MAF: variants seen among roughly 807,000 people sequenced by gnomAD.
MAF encodes the protein transcription factor Maf.
In MAF, 10 loss-of-function variants were observed where a neutral mutation model predicts 22.0. That is an observed-to-expected ratio of 0.45 (90% CI 0.28 to 0.77). The LOEUF (loss-of-function observed/expected upper bound fraction) is 0.77. Ranked by LOEUF, MAF falls within the 30% of genes least tolerant of loss-of-function variation. The probability of loss-of-function intolerance (pLI) is 0.12; values close to 1 mark genes in which losing one functional copy is unlikely to be tolerated. For missense variants in MAF, 544 were observed against 548.4 expected (o/e 0.99, Z 0.08); for synonymous variants, 337 against 255.8 (o/e 1.32, Z -3.03).
chr16:79,216,553 G>T, the MAF span, among the ~76,000 whole-genome samples: 1 of 152,052 alleles, frequency 6.6e-6, no homozygotes, highest in East Asian at 1.9e-4. Flanking sequence ...AATAAATCAG[G>T]CTAAGTGTTA....
At chr16:79,350,734 G>C in the MAF span, among the ~76,000 whole-genome samples, 2 of 152,192 alleles carry the variant, frequency 1.3e-5, no homozygotes, top group Non-Finnish European at 2.9e-5. Context: ...GGACCCTGCA[G>C]GGACCTGCCC....
the MAF span, among the ~76,000 whole-genome samples, chr16:79,321,652 T>A: frequency 1.5e-5 from 2 of 137,316 alleles, no homozygotes; most frequent in Non-Finnish European, 3.1e-5. Context: ...TTTCTTTTTT[T>A]TTTTTTTTTT....
the MAF span, among the ~76,000 whole-genome samples, chr16:79,549,712 A>C: frequency 2.6e-5 from 4 of 152,166 alleles, no homozygotes; most frequent in African/African-American, 4.8e-5. Context: ...GCAGCATCTA[A>C]AAAAGCGCCC....
Position 79,599,664 on chromosome 16 carries a change from G to T in MAF, c.239C>A (p.Ser80Ter). Residue 80 changes from serine to a stop codon, truncating the protein, a stop_gained, in exon 1 of 2, where the codon TCG (serine) becomes TAG (stop). Transcript: ENST00000326043. LOFTEE classifies it high-confidence loss of function. ...SPSFSAPSPG[S>*]GSEQKAHLED... is the part of the protein sequence containing the mutation. ...CAGGTGCGCCTTCTGCTCGCTGCCC[G>T]AGCCCGGGCTGGGCGCCGAGAAGCT... 6.2e-7 allele frequency: 1 copy of T among 1,612,218 alleles called. No individual in the cohort carries two copies. The highest frequency in any genetic ancestry group is 8.5e-7 in the Non-Finnish European group (1 of 1,179,632).
the MAF span, among the ~76,000 whole-genome samples, chr16:79,409,037 TGGG>T: frequency 3.0e-5 from 1 of 33,414 alleles, no homozygotes; most frequent in Non-Finnish European, 6.4e-5. Context: ...GGTGGGTGGG[TGGG>T]GGAGTCACCT....
chr16:79,318,945 C>T, the MAF span, among the ~76,000 whole-genome samples: 313 of 152,260 alleles, frequency 2.1e-3, no homozygotes, highest in Non-Finnish European at 3.3e-3. Flanking sequence ...CTCAAACCTC[C>T]ATGAAACTCA....
the MAF span, among the ~76,000 whole-genome samples, chr16:79,479,615 T>G: frequency 6.6e-6 from 1 of 152,178 alleles, no homozygotes; most frequent in Non-Finnish European, 1.5e-5. Context: ...AACTTGCCTG[T>G]ATCTGAAGGG....
the MAF span, among the ~76,000 whole-genome samples, chr16:79,423,874 G>A: frequency 6.6e-6 from 1 of 152,138 alleles, no homozygotes; most frequent in Non-Finnish European, 1.5e-5. Flanking sequence ...TTCTTAGATA[G>A]ATGCTTGAAA....
chr16:79,541,580 C>T, the MAF span, among the ~76,000 whole-genome samples: 27 of 151,786 alleles, frequency 1.8e-4, no homozygotes, highest in African/African-American at 6.5e-4. Context: ...CAAGTTCATA[C>T]AGCTGGTGAA....
chr16:79,337,301 G>A, the MAF span, among the ~76,000 whole-genome samples: 1 of 152,174 alleles, frequency 6.6e-6, no homozygotes, highest in Admixed American at 6.5e-5. Flanking sequence ...GTCAGGCATG[G>A]TGGCTCACAC....
chr16:79,565,514 G>C, the MAF span, among the ~76,000 whole-genome samples: 14 of 152,180 alleles, frequency 9.2e-5, no homozygotes, highest in Middle Eastern at 3.4e-3. Flanking sequence ...TGTGGGGGGG[G>C]GGACCAGTTG....
At chr16:79,520,723 G>C in the MAF span, among the ~76,000 whole-genome samples, 7 of 152,120 alleles carry the variant, frequency 4.6e-5, no homozygotes, top group African/African-American at 1.7e-4. Context: ...GGGTGGTCTT[G>C]GGCCACATTA....
the MAF span, among the ~76,000 whole-genome samples, chr16:79,509,572 A>C: frequency 1.3e-5 from 2 of 152,176 alleles, no homozygotes; most frequent in Non-Finnish European, 2.9e-5. Context: ...CCGCCTTCCC[A>C]TTCCTGGCTG....
chr16:79,305,900 C>T, the MAF span, among the ~76,000 whole-genome samples: 26,045 of 152,148 alleles, frequency 0.17, 2,602 homozygotes, highest in African/African-American at 0.27. Flanking sequence ...TTTGGGACCA[C>T]AGCATGCTTT....
the MAF span, among the ~76,000 whole-genome samples, chr16:79,464,726 G>A: frequency 1.4e-3 from 206 of 152,298 alleles, no homozygotes; most frequent in African/African-American, 4.7e-3. Context: ...GGGGACTGCT[G>A]TTCAAGGTTT....
At chr16:79,439,039 A>T in the MAF span, among the ~76,000 whole-genome samples, 2 of 152,060 alleles carry the variant, frequency 1.3e-5, no homozygotes, top group African/African-American at 4.8e-5. Flanking sequence ...TATCTTAAAG[A>T]TATTGTCGTG....
At chr16:79,523,706 T>C in the MAF span, among the ~76,000 whole-genome samples, 1 of 152,194 alleles carries the variant, frequency 6.6e-6, no homozygotes, top group South Asian at 2.1e-4. Flanking sequence ...AGCTCCATTT[T>C]ACAGAAGGGG....
the MAF span, among the ~76,000 whole-genome samples, chr16:79,297,017 C>T: frequency 6.6e-6 from 1 of 152,216 alleles, no homozygotes; most frequent in Non-Finnish European, 1.5e-5. Context: ...GGTGTCTTTG[C>T]TGCTCTGTGG....
the MAF span, among the ~76,000 whole-genome samples, chr16:79,475,703 A>C: frequency 6.6e-5 from 10 of 152,168 alleles, no homozygotes; most frequent in Non-Finnish European, 1.3e-4. Context: ...CAATGTATAT[A>C]AATTTCACCT....
Sources: allele counts gnomAD v4.1 joint callset (sites outside exome capture counted in the v4.1 genomes callset), GRCh38; gene constraint gnomAD v4.1.1; transcripts MANE v1.5; gene names NCBI Gene and HGNC (gene_info 2026-07-23, HGNC 2026-07-21).